ARHGAP10: variants seen among roughly 807,000 people sequenced by gnomAD.
The protein encoded by ARHGAP10 is Rho GTPase activating protein 10.
A neutral mutation model predicts 108.6 loss-of-function variants in ARHGAP10; 87 were observed. That is an observed-to-expected ratio of 0.80 (90% CI 0.67 to 0.96). The LOEUF is 0.96. ARHGAP10 is among the 40% of genes least tolerant of loss of function. The pLI is 0.00. For synonymous variants in ARHGAP10, 347 were observed against 341.1 expected (o/e 1.02, Z -0.19); for missense variants, 939 against 954.5 (o/e 0.98, Z 0.21).
chr4:147,863,438 C>T (rs377563428), intron 5 of ARHGAP10: 8 of 152,182 alleles, frequency 5.3e-5, no homozygotes, highest in East Asian at 1.9e-4. Flanking sequence ...TCCTTCCTGT[C>T]TAAGGCTGAA....
chr4:147,965,513 T>G (rs1253078514), intron 17 of ARHGAP10, among the ~76,000 whole-genome samples: 2 of 152,220 alleles, frequency 1.3e-5, no homozygotes, highest in East Asian at 3.9e-4. Flanking sequence ...TTTTATAGAT[T>G]TCATTCCCTT....
At chr4:147,951,659 C>T (rs1738606062) in intron 15 of ARHGAP10, among the ~76,000 whole-genome samples, 1 of 151,682 alleles carries the variant, frequency 6.6e-6, no homozygotes. Context: ...CACTTTGTTG[C>T]CTAGGCTGGT....
At chr4:147,876,469 T>C (rs1458100413) in intron 8 of ARHGAP10, among the ~76,000 whole-genome samples, 2 of 151,990 alleles carry the variant, frequency 1.3e-5, no homozygotes, top group South Asian at 2.1e-4. Context: ...GGCGGGCACC[T>C]GTAGTCCCAG....
In ARHGAP10 at chr4:147,961,867, C is replaced by T. The variant is rs185562165; in HGVS notation, c.1451-3157C>T. Among the ~76,000 whole-genome samples, 228 of 152,288 alleles carry T rather than the reference C, an allele frequency of 1.5e-3. 1 individual carries two copies. Among genetic ancestry groups the T allele is most frequent in the African/African-American group, 4.9e-3 (205 of 41,550 alleles). ...TGCCTTCCTGATGACATCGTACCTC[C>T]CTGGTCCTCCCACCTCTTCCTCCTC... is the stretch of plus-strand genomic sequence containing the variant. On this transcript the variant is annotated intron_variant, in intron 16 of 22. Coordinates refer to ENST00000336498, the MANE Select transcript of ARHGAP10 (RefSeq NM_024605.4).
intron 18 of ARHGAP10, among the ~76,000 whole-genome samples, chr4:147,982,095 T>A (rs1739829679): frequency 6.6e-6 from 1 of 152,152 alleles, no homozygotes; most frequent in Non-Finnish European, 1.5e-5. Flanking sequence ...GGAAGTGCAG[T>A]GGTATGAGTA....
Position 148,069,423 on chromosome 4 carries a change from G to A in ARHGAP10, c.2273-2570G>A, listed in dbSNP as rs570121682. Among the ~76,000 whole-genome samples, 4 of 152,260 alleles carry A rather than the reference G, an allele frequency of 2.6e-5. No homozygotes were observed. The East Asian group carries it at 5.8e-4, about 22-fold the overall frequency. On this transcript the variant is annotated intron_variant, in intron 22 of 22. Transcript: ENST00000336498. ...GGCTGGGGAGGTGGTGAATGGGGTT[G>A]TGGAGGCGTCTCTCTGGTTTGTTGG...
At chr4:147,783,046 T>C (rs895618963) in intron 1 of ARHGAP10, among the ~76,000 whole-genome samples, 1 of 141,864 alleles carries the variant, frequency 7.0e-6, no homozygotes, top group Non-Finnish European at 1.5e-5. Context: ...AATTATATAC[T>C]ATATGTTAAA....
chr4:147,830,929 T>C (rs990300233), intron 3 of ARHGAP10, among the ~76,000 whole-genome samples: 2 of 152,268 alleles, frequency 1.3e-5, no homozygotes, highest in Middle Eastern at 3.2e-3. Flanking sequence ...TTCCACCTTT[T>C]AGGAGCAAAT....
chr4:147,909,819 A>G (rs1380016284), intron 12 of ARHGAP10, 42 bp downstream of exon 12: 22 of 1,565,378 alleles, frequency 1.4e-5, no homozygotes, highest in Non-Finnish European at 1.8e-5. Flanking sequence ...CTCCTTTTCC[A>G]TCTATTACTT....
intron 1 of ARHGAP10, among the ~76,000 whole-genome samples, chr4:147,739,203 AG>A (rs1728552692): frequency 2.0e-5 from 3 of 151,554 alleles, no homozygotes; most frequent in African/African-American, 7.3e-5. Context: ...AAAAAAAAAA[AG>A]AAAAGAAAAT....
intron 10 of ARHGAP10, among the ~76,000 whole-genome samples, chr4:147,896,872 A>T (rs1425068051): frequency 6.6e-6 from 1 of 152,124 alleles, no homozygotes; most frequent in Non-Finnish European, 1.5e-5. Context: ...AGTATTTTTT[A>T]AAAATTCCAA....
intron 7 of ARHGAP10, among the ~76,000 whole-genome samples, chr4:147,870,556 G>A (rs73853986): frequency 0.094 from 8,740 of 92,566 alleles, 818 homozygotes; most frequent in African/African-American, 0.3. Context: ...TGTAAAAGTG[G>A]CTAGACTTTT....
chr4:147,973,410 ATAGT>A (rs749513899), intron 18 of ARHGAP10, among the ~76,000 whole-genome samples: 4 of 152,080 alleles, frequency 2.6e-5, no homozygotes, highest in Non-Finnish European at 5.9e-5. Flanking sequence ...TCGTGGGTAC[ATAGT>A]TGGTGTATGT....
At chr4:147,740,224 C>T (rs181735628) in intron 1 of ARHGAP10, among the ~76,000 whole-genome samples, 42 of 148,938 alleles carry the variant, frequency 2.8e-4, no homozygotes, top group African/African-American at 9.2e-4. Context: ...GGCCTGGCTA[C>T]GTTTTGTATT....
chr4:147,951,244 C>T (rs961208666), intron 15 of ARHGAP10, among the ~76,000 whole-genome samples: 5 of 151,886 alleles, frequency 3.3e-5, no homozygotes, highest in African/African-American at 4.8e-5. Context: ...CCTCCCTCGA[C>T]CCCACTTTTC....
Position 147,997,025 on chromosome 4 carries a change from T to C in ARHGAP10, c.1717-26238T>C, listed in dbSNP as rs79410952. ...TTCTGTCATAGCAGCCCCAGCCGAC[T>C]AATAACCATTCTCTCATGTGACAGA... On this transcript the variant is annotated intron_variant, in intron 18 of 22. Transcript: ENST00000336498. Among the ~76,000 whole-genome samples, 531 of 152,356 alleles carry C rather than the reference T, an allele frequency of 3.5e-3. 3 individuals carry two copies. The highest frequency in any genetic ancestry group is 0.012 in the African/African-American group (511 of 41,582).
intron 10 of ARHGAP10, among the ~76,000 whole-genome samples, chr4:147,888,967 C>T (rs1439761189): frequency 1.3e-5 from 2 of 152,292 alleles, no homozygotes; most frequent in East Asian, 3.9e-4. Context: ...TGTTCCTTGT[C>T]TATTAGATTA....
At chr4:147,957,152 A>T (rs572495672) in intron 16 of ARHGAP10, among the ~76,000 whole-genome samples, 82 of 152,280 alleles carry the variant, frequency 5.4e-4, no homozygotes, top group African/African-American at 1.9e-3. Context: ...TCAGAAAGAA[A>T]TACTGTTTCT....
intron 14 of ARHGAP10, among the ~76,000 whole-genome samples, chr4:147,943,713 G>T (rs1003801101): frequency 6.6e-6 from 1 of 152,124 alleles, no homozygotes; most frequent in Non-Finnish European, 1.5e-5. Context: ...TCTTTCTTAT[G>T]GTAGAACATG....
Sources: allele counts gnomAD v4.1 joint callset (sites outside exome capture counted in the v4.1 genomes callset), GRCh38; gene constraint gnomAD v4.1.1; transcripts MANE v1.5; gene names NCBI Gene and HGNC (gene_info 2026-07-23, HGNC 2026-07-21).